The following LRRC4C variants were observed in gnomAD, a reference collection of about 807,000 sequenced individuals.
The protein encoded by LRRC4C is leucine-rich repeat-containing protein 4C.
A neutral mutation model predicts 33.6 loss-of-function variants in LRRC4C; 5 were observed. The observed-to-expected ratio is 0.15, with a 90% CI of 0.08 to 0.31. The LOEUF (loss-of-function observed/expected upper bound fraction) is 0.31. Ranked by LOEUF, LRRC4C falls within the 10% of genes least tolerant of loss-of-function variation. LRRC4C has a pLI of 1.00. For synonymous variants in LRRC4C, 329 were observed against 302.0 expected (o/e 1.09, Z -0.93); for missense variants, 560 against 796.7 (o/e 0.70, Z 3.58).
At chr11:40,528,119 A>T (rs1400865230) in intron 3 of LRRC4C, among the ~76,000 whole-genome samples, 2 of 152,168 alleles carry the variant, frequency 1.3e-5, no homozygotes, top group Non-Finnish European at 2.9e-5. Context: ...GAAAAATTTT[A>T]AAAAACTGAT....
chr11:40,277,210 A>T (rs1489725358), intron 4 of LRRC4C, among the ~76,000 whole-genome samples: 2 of 152,166 alleles, frequency 1.3e-5, no homozygotes, highest in East Asian at 3.9e-4. Flanking sequence ...TTGCAAGTTC[A>T]GTTGCCAGGG....
chr11:41,279,381 AACACACACACACAC>A (rs575973002), intron 1 of LRRC4C, among the ~76,000 whole-genome samples: 6,798 of 126,454 alleles, frequency 0.054, 189 homozygotes, highest in Non-Finnish European at 0.068. Context: ...CACACACACA[AACACACACACACAC>A]ACACACACAC....
chr11:40,210,800 T>TCTCA (rs1408417253), intron 5 of LRRC4C, among the ~76,000 whole-genome samples: 1 of 152,144 alleles, frequency 6.6e-6, no homozygotes, highest in Admixed American at 6.5e-5. Context: ...TGAGATAGAG[T>TCTCA]CTCACTCTGT....
intron 2 of LRRC4C, among the ~76,000 whole-genome samples, chr11:40,799,084 T>C (rs1333687817): frequency 2.0e-5 from 3 of 152,226 alleles, no homozygotes; most frequent in Admixed American, 6.5e-5. Flanking sequence ...TCCTAGAAAC[T>C]TTTGTTTACA....
intron 1 of LRRC4C, among the ~76,000 whole-genome samples, chr11:41,298,672 G>A (rs1405807151): frequency 2.6e-5 from 4 of 152,092 alleles, no homozygotes; most frequent in Admixed American, 2.6e-4. Flanking sequence ...TTTAAGGGGT[G>A]CAAGTGCAGT....
At chr11:41,163,440 C>CA (rs1184633172) in intron 1 of LRRC4C, among the ~76,000 whole-genome samples, 4 of 151,452 alleles carry the variant, frequency 2.6e-5, no homozygotes, top group Non-Finnish European at 4.4e-5. Context: ...TCTGCCATCA[C>CA]ACCCAACTAA....
chr11:40,381,619 T>A (rs1185436091), intron 3 of LRRC4C, among the ~76,000 whole-genome samples: 1 of 152,098 alleles, frequency 6.6e-6, no homozygotes, highest in African/African-American at 2.4e-5. Context: ...TTCACAGAAA[T>A]ATGCTGTATA....
intron 3 of LRRC4C, among the ~76,000 whole-genome samples, chr11:40,341,237 A>G (rs1946851008): frequency 2.0e-5 from 3 of 152,130 alleles, no homozygotes; most frequent in Non-Finnish European, 2.9e-5. Context: ...CTTGTCCCTT[A>G]CAAAGGACAT....
chr11:40,257,829 G>T (rs1465384056), intron 4 of LRRC4C, among the ~76,000 whole-genome samples: 2 of 151,418 alleles, frequency 1.3e-5, no homozygotes, highest in African/African-American at 4.9e-5. Context: ...AAAGACGTTT[G>T]TTCTTGATGC....
rs536590036 is a variant in LRRC4C, at chr11:40,861,098, C to A, written c.-407+72537G>T. Reference sequence around the variant, plus strand: ...GTTTTTATTTTAAAAAGTAGAATAACTCTCAGGGGAAACTAAGTTTTTATA... The same window carrying A: ...GTTTTTATTTTAAAAAGTAGAATAAATCTCAGGGGAAACTAAGTTTTTATA... On this transcript the variant is annotated intron_variant, in intron 2 of 6. Coordinates refer to ENST00000528697, the MANE Select transcript of LRRC4C (RefSeq NM_001258419.2). Among the ~76,000 whole-genome samples, 696 of 152,136 alleles carry A rather than the reference C, an allele frequency of 4.6e-3. 3 individuals are homozygous for A. Among genetic ancestry groups the A allele is most frequent in the Admixed American group, 9.8e-3 (149 of 15,280 alleles).
chr11:40,361,327 A>C (rs984350829), intron 3 of LRRC4C, among the ~76,000 whole-genome samples: 4 of 152,104 alleles, frequency 2.6e-5, no homozygotes, highest in African/African-American at 7.2e-5. Context: ...GTCTCAGCCC[A>C]AAAGCTTTGT....
chr11:40,612,160 T>C (rs1417548291), intron 3 of LRRC4C, among the ~76,000 whole-genome samples: 2 of 151,642 alleles, frequency 1.3e-5, no homozygotes, highest in African/African-American at 2.4e-5. Flanking sequence ...AACACATGAG[T>C]AGATAAAGAA....
intron 3 of LRRC4C, among the ~76,000 whole-genome samples, chr11:40,589,557 A>T: frequency 6.8e-6 from 1 of 147,846 alleles, no homozygotes; most frequent in African/African-American, 2.5e-5. Context: ...TAGTTGATGC[A>T]GTTTCTTCCT....
intron 3 of LRRC4C, among the ~76,000 whole-genome samples, chr11:40,377,597 T>C (rs1948710150): frequency 6.6e-6 from 1 of 152,156 alleles, no homozygotes; most frequent in African/African-American, 2.4e-5. Flanking sequence ...ATTCTTGTGA[T>C]TTGAATCTAC....
intron 3 of LRRC4C, among the ~76,000 whole-genome samples, chr11:40,508,762 T>C (rs1955162191): frequency 6.6e-6 from 1 of 152,214 alleles, no homozygotes; most frequent in African/African-American, 2.4e-5. Context: ...GCTGCTGGGA[T>C]ATTATATGAA....
At chr11:41,319,533 T>C (rs1339847710) in intron 1 of LRRC4C, among the ~76,000 whole-genome samples, 1 of 152,140 alleles carries the variant, frequency 6.6e-6, no homozygotes, top group Non-Finnish European at 1.5e-5. Flanking sequence ...AGGTTTTGTT[T>C]GTTTGTCTGT....
At chr11:40,453,640 A>G (rs1952001217) in intron 3 of LRRC4C, among the ~76,000 whole-genome samples, 1 of 150,468 alleles carries the variant, frequency 6.6e-6, no homozygotes, top group African/African-American at 2.4e-5. Flanking sequence ...ACTACGGACC[A>G]ATATCCCTTA....
chr11:40,125,983 A>T (rs1326749626), intron 6 of LRRC4C, among the ~76,000 whole-genome samples: 3 of 151,936 alleles, frequency 2.0e-5, no homozygotes, highest in South Asian at 2.1e-4. Flanking sequence ...AGGGAAAAGA[A>T]TTTTTTTTGT....
chr11:41,331,597 A>G (rs1003078104), intron 1 of LRRC4C, among the ~76,000 whole-genome samples: 6 of 152,166 alleles, frequency 3.9e-5, no homozygotes, highest in Non-Finnish European at 7.3e-5. Flanking sequence ...CCAATTTTAT[A>G]TCCAACTCAA....
Sources: gnomAD v4.1 joint callset for allele counts (sites outside exome capture counted in the v4.1 genomes callset) on GRCh38, gnomAD v4.1.1 for gene constraint, MANE v1.5 for transcripts, NCBI Gene and HGNC (gene_info 2026-07-23, HGNC 2026-07-21) for gene names.